Variants in SLC35F3 observed in about 807,000 individuals in gnomAD.
The protein encoded by SLC35F3 is putative thiamine transporter SLC35F3.
A neutral mutation model predicts 49.9 loss-of-function variants in SLC35F3; 25 were observed. The observed-to-expected ratio is 0.50, with a 90% CI of 0.37 to 0.70. The LOEUF is 0.70. Ranked by LOEUF, SLC35F3 falls within the 30% of genes least tolerant of loss-of-function variation. SLC35F3 has a pLI of 0.00. For synonymous variants in SLC35F3, 275 were observed against 265.4 expected, an observed-to-expected ratio of 1.04 and a Z score of -0.35; for missense variants, 525 against 639.8, an observed-to-expected ratio of 0.82 and a Z score of 1.94.
At chr1:234,285,560 C>T in intron 3 of SLC35F3, 1 of 303,240 alleles carries the variant, frequency 3.3e-6, no homozygotes, top group South Asian at 2.9e-5. Context: ...TAAGAGTTGT[C>T]CAGCTACAGA....
intron 2 of SLC35F3, among the ~76,000 whole-genome samples, chr1:234,167,308 G>A (rs998726561): frequency 6.6e-6 from 1 of 152,136 alleles, no homozygotes; most frequent in Non-Finnish European, 1.5e-5. Context: ...TTTTCAAGTG[G>A]GGAAACTGAG....
chr1:234,188,708 C>G (rs147157294), intron 2 of SLC35F3, among the ~76,000 whole-genome samples: 215 of 152,280 alleles, frequency 1.4e-3, no homozygotes, highest in African/African-American at 4.8e-3. Flanking sequence ...CTGATGCTCT[C>G]TCGAAAGCGC....
At chr1:233,905,264 G>T (rs1661753463) in intron 1 of SLC35F3, 134 bp downstream of exon 1, 2 of 996,336 alleles carry the variant, frequency 2.0e-6, no homozygotes, top group Admixed American at 2.1e-5. Flanking sequence ...AGCTGCTCGG[G>T]AAGTTTCAGT....
chr1:234,148,031 G>T (rs1222488021), intron 2 of SLC35F3, among the ~76,000 whole-genome samples: 6 of 152,198 alleles, frequency 3.9e-5, no homozygotes, highest in Non-Finnish European at 8.8e-5. Context: ...GCAAGAAGGG[G>T]AGAGAAAGAG....
intron 2 of SLC35F3, among the ~76,000 whole-genome samples, chr1:234,108,712 A>C (rs1665343158): frequency 1.4e-5 from 1 of 72,814 alleles, no homozygotes; most frequent in Non-Finnish European, 2.4e-5. Context: ...TTATATATAT[A>C]AAAGATATAT....
At chr1:234,137,826 T>C (rs75122771) in intron 2 of SLC35F3, among the ~76,000 whole-genome samples, 3,214 of 152,226 alleles carry the variant, frequency 0.021, 53 homozygotes, top group Non-Finnish European at 0.027. Context: ...CTGGTGGGCA[T>C]GAATTTAAGT....
In SLC35F3 at chr1:234,143,541, G is replaced by A. The variant is rs916900165; in HGVS notation, c.284-87876G>A. Among the ~76,000 whole-genome samples, 4 of 151,920 alleles carry A rather than the reference G, an allele frequency of 2.6e-5. No homozygotes were observed. In the South Asian group the frequency reaches 6.2e-4, roughly 24 times the overall value. Reference sequence around the variant, plus strand: ...TGACCTCAGGTGATCCACCTGCCTCGGCCATCCCTCGGACTGCTGGGATTA... The same window carrying A: ...TGACCTCAGGTGATCCACCTGCCTCAGCCATCCCTCGGACTGCTGGGATTA... On this transcript the variant is annotated intron_variant, in intron 2 of 7. Transcript: ENST00000366618.
intron 2 of SLC35F3, among the ~76,000 whole-genome samples, chr1:233,909,508 A>G (rs966112320): frequency 1.3e-5 from 2 of 152,122 alleles, no homozygotes; most frequent in Non-Finnish European, 2.9e-5. Flanking sequence ...GATTTGTATC[A>G]TTTACCTCTT....
chr1:234,219,977 G>C (rs1284688312), intron 2 of SLC35F3, among the ~76,000 whole-genome samples: 3 of 152,196 alleles, frequency 2.0e-5, no homozygotes, highest in Non-Finnish European at 4.4e-5. Context: ...GCAGTCTACT[G>C]GGCCAGAGCG....
intron 2 of SLC35F3, among the ~76,000 whole-genome samples, chr1:234,113,853 A>T (rs2102889201): frequency 6.6e-6 from 1 of 152,348 alleles, no homozygotes; most frequent in Admixed American, 6.5e-5. Context: ...GCAAGAGCAG[A>T]ACGCCATCTC....
intron 2 of SLC35F3, among the ~76,000 whole-genome samples, chr1:234,056,944 C>A (rs1487920802): frequency 1.3e-5 from 2 of 152,152 alleles, no homozygotes; most frequent in Non-Finnish European, 2.9e-5. Flanking sequence ...ATGGTATTGG[C>A]AACTTGTCAA....
intron 2 of SLC35F3, among the ~76,000 whole-genome samples, chr1:234,109,907 GC>G (rs1197641501): frequency 1.3e-5 from 2 of 152,204 alleles, no homozygotes. Context: ...GTGGCGAGAT[GC>G]CATGGCCAGG....
chr1:234,024,868 A>G (rs182720731), intron 2 of SLC35F3, among the ~76,000 whole-genome samples: 43 of 152,296 alleles, frequency 2.8e-4, no homozygotes, highest in Admixed American at 2.5e-3. Flanking sequence ...GGTTTGTTAC[A>G]TGGGTAAATT....
intron 3 of SLC35F3, among the ~76,000 whole-genome samples, chr1:234,297,913 C>T (rs1412028187): frequency 1.3e-5 from 2 of 152,106 alleles, no homozygotes; most frequent in Non-Finnish European, 2.9e-5. Flanking sequence ...CCTATAGCTA[C>T]TCATACTGTG....
At chr1:234,120,282 T>A (rs1391100274) in intron 2 of SLC35F3, among the ~76,000 whole-genome samples, 1 of 152,240 alleles carries the variant, frequency 6.6e-6, no homozygotes, top group Non-Finnish European at 1.5e-5. Flanking sequence ...ATGTGAAGTA[T>A]CTTCTTAAGT....
chr1:233,915,657 A>T (rs1167996591), intron 2 of SLC35F3, among the ~76,000 whole-genome samples: 2 of 152,216 alleles, frequency 1.3e-5, no homozygotes, highest in African/African-American at 4.8e-5. Context: ...GAGATTGGGC[A>T]ATTTACAAAA....
At chr1:234,264,529 T>C (rs1034971014) in intron 3 of SLC35F3, among the ~76,000 whole-genome samples, 4 of 152,224 alleles carry the variant, frequency 2.6e-5, no homozygotes, top group Non-Finnish European at 4.4e-5. Flanking sequence ...GTTGTCATCT[T>C]ACTGTTAATT....
At chr1:234,188,355 G>C (rs1256285218) in intron 2 of SLC35F3, among the ~76,000 whole-genome samples, 1 of 152,132 alleles carries the variant, frequency 6.6e-6, no homozygotes, top group Non-Finnish European at 1.5e-5. Flanking sequence ...GAGGTGGGGG[G>C]CAGGGGGCAT....
At position 234,214,727 on chromosome 1, in the gene SLC35F3, G is replaced by C. The variant is rs937628964; in HGVS notation, c.284-16690G>C. On this transcript the variant is annotated intron_variant, in intron 2 of 7. Coordinates refer to ENST00000366618, the MANE Select transcript of SLC35F3 (RefSeq NM_173508.4). The surrounding 1 kb of genome is among the most constrained non-coding windows in gnomAD (Gnocchi z 8.0). Reference sequence around the variant, plus strand: ...CAGTGCAGAGCGCCGCCGCCTGCGTGGGGGGATCTGGCAGCTTCAGGGGCT... The same window carrying C: ...CAGTGCAGAGCGCCGCCGCCTGCGTCGGGGGATCTGGCAGCTTCAGGGGCT... 1.3e-5 allele frequency: 14 copies of C among 1,042,106 alleles called. No homozygotes were observed. The East Asian group carries it at 4.6e-4, about 34-fold the overall frequency. 64.6% of individuals were successfully genotyped at this position (1,042,106 alleles called of 1,614,324 possible). A position where few individuals can be genotyped will look rare whatever the true frequency, so the allele number is the denominator to read the frequency against.
Sources: allele counts gnomAD v4.1 joint callset (sites outside exome capture counted in the v4.1 genomes callset), GRCh38; gene constraint gnomAD v4.1.1; non-coding constraint Gnocchi (gnomAD v3.1); transcripts MANE v1.5; gene names NCBI Gene and HGNC (gene_info 2026-07-23, HGNC 2026-07-21).